Variants in CHLSN observed in about 807,000 individuals in gnomAD.
CHLSN encodes cholesin.
chr7:1,012,372 G>T, the CHLSN span, among the ~76,000 whole-genome samples: 15 of 152,350 alleles, frequency 9.8e-5, no homozygotes, highest in South Asian at 3.1e-3. Context: ...GCCTGGGGTG[G>T]ATGGCGAGGG....
At chr7:1,004,378 C>T in the CHLSN span, among the ~76,000 whole-genome samples, 1 of 152,172 alleles carries the variant, frequency 6.6e-6, no homozygotes, top group Non-Finnish European at 1.5e-5. Flanking sequence ...GGAGTGGTGA[C>T]CCCACTTCAC....
the CHLSN span, among the ~76,000 whole-genome samples, chr7:1,050,869 G>A: frequency 0.21 from 32,207 of 152,086 alleles, 3,570 homozygotes; most frequent in Admixed American, 0.23. Context: ...GGCTTGACGC[G>A]CAGGGGGTCT....
the CHLSN span, chr7:1,127,207 T>G: frequency 6.5e-7 from 1 of 1,544,700 alleles, no homozygotes; most frequent in Non-Finnish European, 8.7e-7. Context: ...CCAGATCAGA[T>G]AACAGGTGGA....
At chr7:993,834 C>T in the CHLSN span, among the ~76,000 whole-genome samples, 13 of 152,090 alleles carry the variant, frequency 8.5e-5, no homozygotes, top group African/African-American at 2.9e-4. Context: ...GAGGGTGATT[C>T]AGCGGCCGAA....
the CHLSN span, among the ~76,000 whole-genome samples, chr7:1,130,623 G>T: frequency 6.6e-6 from 1 of 151,406 alleles, no homozygotes; most frequent in Non-Finnish European, 1.5e-5. Flanking sequence ...CCAGCTCCCA[G>T]TCTCCTCTGC....
At chr7:1,026,817 T>G in the CHLSN span, 1 of 152,382 alleles carries the variant, frequency 6.6e-6, no homozygotes, top group Admixed American at 6.5e-5. Context: ...GGAACAAAGC[T>G]ACGTGGATTT....
chr7:1,091,795 GC>G, the CHLSN span: 5 of 1,591,884 alleles, frequency 3.1e-6, no homozygotes, highest in Non-Finnish European at 4.3e-6. Context: ...GCAGCCTGCG[GC>G]CCCCAACACC....
chr7:1,058,869 T>G, the CHLSN span: 1 of 231,678 alleles, frequency 4.3e-6, no homozygotes, highest in Non-Finnish European at 9.2e-6. Context: ...AAATACTTGA[T>G]TCCCCCTTGT....
At chr7:1,093,381 G>T in the CHLSN span, 1 of 440,798 alleles carries the variant, frequency 2.3e-6, no homozygotes, top group South Asian at 1.7e-5. Flanking sequence ...GCGCACCGCC[G>T]AGTTAAAGAG....
At chr7:1,135,650 C>T in the CHLSN span, among the ~76,000 whole-genome samples, 2 of 150,908 alleles carry the variant, frequency 1.3e-5, no homozygotes, top group African/African-American at 4.9e-5. Context: ...GCCTGTAAAC[C>T]CAGCTACTCG....
At chr7:1,009,004 C>CAT in the CHLSN span, among the ~76,000 whole-genome samples, 3 of 20,448 alleles carry the variant, frequency 1.5e-4, no homozygotes, top group Admixed American at 1.3e-3. Context: ...CATACACGCA[C>CAT]ACACACACAC....
the CHLSN span, among the ~76,000 whole-genome samples, chr7:1,133,627 G>A: frequency 8.4e-4 from 127 of 151,458 alleles, no homozygotes; most frequent in Middle Eastern, 3.4e-3. Flanking sequence ...GGTGGCAGGC[G>A]CCTGTAGTCC....
chr7:1,013,067 G>C, the CHLSN span, among the ~76,000 whole-genome samples: 876 of 152,270 alleles, frequency 5.8e-3, 11 homozygotes, highest in African/African-American at 0.019. Context: ...GCGGGAGGGT[G>C]GTGGGGCCGC....
chr7:1,136,421 AAT>A, the CHLSN span, among the ~76,000 whole-genome samples: 1 of 116,234 alleles, frequency 8.6e-6, no homozygotes, highest in Non-Finnish European at 1.6e-5. Flanking sequence ...CATATATATA[AAT>A]ATATATAAAC....
chr7:1,120,260 G>T, the CHLSN span, among the ~76,000 whole-genome samples: 1 of 152,142 alleles, frequency 6.6e-6, no homozygotes, highest in Non-Finnish European at 1.5e-5. Context: ...GTCGACCAGT[G>T]TGTGGAGGAG....
chr7:1,062,846 A>AT, the CHLSN span, among the ~76,000 whole-genome samples: 2 of 152,190 alleles, frequency 1.3e-5, no homozygotes, highest in Admixed American at 1.3e-4. Context: ...GGCAGGAAGC[A>AT]TAACGTGAAC....
chr7:1,111,910 C>T, the CHLSN span, among the ~76,000 whole-genome samples: 8 of 152,164 alleles, frequency 5.3e-5, no homozygotes, highest in South Asian at 2.1e-4. Context: ...TCAGCACACG[C>T]GGCTGCTACA....
the CHLSN span, among the ~76,000 whole-genome samples, chr7:1,011,950 T>C: frequency 5.9e-5 from 9 of 152,304 alleles, no homozygotes; most frequent in Non-Finnish European, 1.2e-4. Context: ...CGCAGGGCTC[T>C]GGGGAGCAAG....
chr7:997,636 G>A, the CHLSN span: 6 of 1,605,532 alleles, frequency 3.7e-6, no homozygotes, highest in Admixed American at 1.7e-5. Context: ...TAGGAGAGCA[G>A]CTGCAGCACC....
Sources: allele counts gnomAD v4.1 joint callset (sites outside exome capture counted in the v4.1 genomes callset), GRCh38; gene constraint gnomAD v4.1.1; transcripts MANE v1.5; gene names NCBI Gene and HGNC (gene_info 2026-07-23, HGNC 2026-07-21).